SYN3: variants seen among roughly 807,000 people sequenced by gnomAD.
SYN3 encodes the protein synapsin III, also known as synapsin-3.
Under a neutral mutation model 65.8 loss-of-function variants are expected in SYN3, and 35 were observed. That is an observed-to-expected ratio of 0.53 (90% CI 0.41 to 0.70). The LOEUF (loss-of-function observed/expected upper bound fraction) is 0.70. SYN3 is among the 30% of genes least tolerant of loss of function. The pLI is 0.00. For synonymous variants in SYN3, 270 were observed against 292.9 expected (o/e 0.92, Z 0.80); for missense variants, 680 against 749.0 (o/e 0.91, Z 1.08).
chr22:32,847,024 C>T (rs1023972658), intron 6 of SYN3, among the ~76,000 whole-genome samples: 3 of 152,182 alleles, frequency 2.0e-5, no homozygotes, highest in Non-Finnish European at 4.4e-5. Flanking sequence ...TCAAGTCAAG[C>T]CATTTTTGAA....
rs141998606 is a variant in SYN3 at position 32,702,206 on chromosome 22, T to C, written c.712-105470A>G. 2.5e-3 allele frequency among the ~76,000 whole-genome samples: 384 copies of C among 152,290 alleles called. 1 individual carries two copies. The highest frequency in any genetic ancestry group is 8.6e-3 in the African/African-American group (356 of 41,564). On this transcript the variant is annotated intron_variant, in intron 6 of 13. Transcript: ENST00000358763. Reference sequence around the variant, plus strand: ...AGTAATAGAAGCATCGGCCAGGCGCTATGGCTCATGCCTGTAATCCCAGCA... The same window carrying C: ...AGTAATAGAAGCATCGGCCAGGCGCCATGGCTCATGCCTGTAATCCCAGCA...
At chr22:32,957,926 G>A (rs1052014904) in intron 3 of SYN3, among the ~76,000 whole-genome samples, 1 of 152,244 alleles carries the variant, frequency 6.6e-6, no homozygotes, top group Non-Finnish European at 1.5e-5. Flanking sequence ...AGAGCTTCGC[G>A]CTAACCCAAA....
intron 10 of SYN3, chr22:32,530,280 A>G (rs1254047708): frequency 6.6e-6 from 1 of 152,272 alleles, no homozygotes; most frequent in Admixed American, 6.5e-5. Context: ...CCTACGTGCT[A>G]CGCTCTATTC....
intron 6 of SYN3, among the ~76,000 whole-genome samples, chr22:32,744,046 C>T (rs559599449): frequency 3.3e-5 from 5 of 152,226 alleles, no homozygotes; most frequent in Admixed American, 2.0e-4. Context: ...TGACCCCTTT[C>T]GTGCCCAGGC....
chr22:32,782,229 C>A (rs111868620), intron 6 of SYN3, among the ~76,000 whole-genome samples: 6 of 151,928 alleles, frequency 3.9e-5, no homozygotes, highest in African/African-American at 1.5e-4. Context: ...CCACCACGCT[C>A]GGCTAATTTT....
At chr22:32,598,830 C>A (rs1307416017) in intron 6 of SYN3, among the ~76,000 whole-genome samples, 3 of 151,988 alleles carry the variant, frequency 2.0e-5, no homozygotes, top group South Asian at 2.1e-4. Flanking sequence ...ATTTACCATA[C>A]CCTGGTGTCT....
At chr22:32,651,851 G>C (rs1313374643) in intron 6 of SYN3, among the ~76,000 whole-genome samples, 1 of 152,140 alleles carries the variant, frequency 6.6e-6, no homozygotes, top group Non-Finnish European at 1.5e-5. Context: ...GAGCAGTGTG[G>C]TTCCACCATG....
At chr22:33,034,764 TCAG>T (rs1164717200) in intron 1 of SYN3, among the ~76,000 whole-genome samples, 1 of 152,156 alleles carries the variant, frequency 6.6e-6, no homozygotes, top group African/African-American at 2.4e-5. Flanking sequence ...TCAGGGGGCT[TCAG>T]CAACTTGCAG....
At position 32,932,122 on chromosome 22, in the gene SYN3, C is replaced by T. The variant is rs1424919127; in HGVS notation, c.370-641G>A. ...GCTCTACAGTAGTATGGCATCATGA[C>T]TCTGCAGATGCTGTTTGATGGGACA... On this transcript the variant is annotated intron_variant, in intron 3 of 13. Transcript: ENST00000358763. Among the ~76,000 whole-genome samples, 2 of 116,024 alleles carry T rather than the reference C, an allele frequency of 1.7e-5. 1 individual carries two copies. The highest frequency in any genetic ancestry group is 1.9e-4 in the Admixed American group (2 of 10,724). The allele number at this position is 116,024 out of a possible 152,430, so 76.1% of individuals were successfully genotyped here. A position where few individuals can be genotyped will look rare whatever the true frequency, so the allele number is the denominator to read the frequency against.
intron 9 of SYN3, among the ~76,000 whole-genome samples, chr22:32,535,143 G>A (rs911678426): frequency 1.3e-5 from 2 of 152,136 alleles, no homozygotes; most frequent in South Asian, 2.1e-4. Flanking sequence ...TGACTGTACC[G>A]CTTCCAAATC....
chr22:32,527,337 C>T (rs547374815), intron 12 of SYN3, among the ~76,000 whole-genome samples: 12 of 152,324 alleles, frequency 7.9e-5, no homozygotes, highest in African/African-American at 1.9e-4. Flanking sequence ...GAAAGGCTCA[C>T]GCCTGTAATC....
At chr22:32,917,449 C>T (rs2050214774) in intron 4 of SYN3, among the ~76,000 whole-genome samples, 1 of 152,094 alleles carries the variant, frequency 6.6e-6, no homozygotes, top group Non-Finnish European at 1.5e-5. Flanking sequence ...TACCCAACAG[C>T]CTTTTAGTAA....
At chr22:32,621,043 T>C (rs1208401516) in intron 6 of SYN3, among the ~76,000 whole-genome samples, 1 of 152,132 alleles carries the variant, frequency 6.6e-6, no homozygotes, top group Admixed American at 6.5e-5. Flanking sequence ...ATGGCTGAAG[T>C]TGGTCAACAG....
At chr22:32,572,327 C>T (rs925220227) in intron 7 of SYN3, among the ~76,000 whole-genome samples, 49 of 125,052 alleles carry the variant, frequency 3.9e-4, no homozygotes, top group Non-Finnish European at 6.1e-4. Flanking sequence ...TCCCTTCCTT[C>T]CGTCCCTCCC....
chr22:32,754,213 G>A (rs1200012353), intron 6 of SYN3, among the ~76,000 whole-genome samples: 6 of 151,908 alleles, frequency 3.9e-5, no homozygotes, highest in Non-Finnish European at 5.9e-5. Flanking sequence ...GTGCAGTGGC[G>A]CGATCTTGGT....
chr22:33,027,023 G>A (rs902824365), intron 1 of SYN3, among the ~76,000 whole-genome samples: 2 of 151,458 alleles, frequency 1.3e-5, no homozygotes, highest in African/African-American at 4.9e-5. Flanking sequence ...TCTTGGTTCT[G>A]TATCTTCCAT....
intron 7 of SYN3, among the ~76,000 whole-genome samples, chr22:32,591,327 C>T (rs1373244143): frequency 2.6e-5 from 4 of 151,948 alleles, no homozygotes; most frequent in Non-Finnish European, 5.9e-5. Flanking sequence ...TATGACAAAG[C>T]ATTAATGGTT....
chr22:32,549,561 A>G (rs577094125), intron 7 of SYN3, among the ~76,000 whole-genome samples: 3 of 152,300 alleles, frequency 2.0e-5, no homozygotes, highest in African/African-American at 7.2e-5. Context: ...CCAACATGCA[A>G]ACTTTTATCA....
chr22:32,798,738 C>CTAGA (rs1466977191), intron 6 of SYN3, among the ~76,000 whole-genome samples: 2 of 129,568 alleles, frequency 1.5e-5, no homozygotes, highest in East Asian at 4.4e-4. Flanking sequence ...ATCACCTAGG[C>CTAGA]TAGAGTGCAG....
Sources: gnomAD v4.1 joint callset for allele counts (sites outside exome capture counted in the v4.1 genomes callset) on GRCh38, gnomAD v4.1.1 for gene constraint, MANE v1.5 for transcripts, NCBI Gene and HGNC (gene_info 2026-07-23, HGNC 2026-07-21) for gene names.